The following PTPRQ variants were observed in gnomAD, a reference collection of about 807,000 sequenced individuals.
PTPRQ encodes protein tyrosine phosphatase receptor type Q.
Under a neutral mutation model 246.0 loss-of-function variants are expected in PTPRQ, and 199 were observed. The observed-to-expected ratio is 0.81, with a 90% confidence interval of 0.72 to 0.91. PTPRQ has a LOEUF of 0.91. Ranked by LOEUF, PTPRQ falls within the 40% of genes least tolerant of loss-of-function variation. The pLI, the probability that PTPRQ is intolerant of heterozygous loss-of-function variation, is 0.00. For synonymous variants in PTPRQ, 869 were observed against 853.2 expected (o/e 1.02, Z -0.32); for missense variants, 2,624 against 2,528.4 (o/e 1.04, Z -0.81).
At chr12:80,620,091 AT>A in intron 31 of PTPRQ, 62 bp from the exon 32 acceptor site, 1 of 1,471,810 alleles carries the variant, frequency 6.8e-7, no homozygotes, top group South Asian at 1.4e-5. Context: ...AACACTATTT[AT>A]AATTGTAAAA....
intron 8 of PTPRQ, among the ~76,000 whole-genome samples, chr12:80,480,134 C>T (rs2120584874): frequency 6.6e-6 from 1 of 152,264 alleles, no homozygotes; most frequent in Non-Finnish European, 1.5e-5. Flanking sequence ...TAAAGCTCTC[C>T]TCAGCAAATG....
Position 80,635,032 on chromosome 12 carries a change from C to T in PTPRQ, c.5874C>T (p.Ile1958=). Residue 1958 remains isoleucine, a synonymous_variant, in exon 35 of 45, where the codon ATC becomes ATT. Coordinates refer to ENST00000644991, the MANE Select transcript of PTPRQ (RefSeq NM_001145026.2). ...IDTKLKLDQL[I]TVADLELKDE... Reference sequence around the variant, plus strand: ...CTAAATTGAAGCTGGATCAGCTCATCACAGTGGCAGACCTGGAACTGAAGG... The same window carrying T: ...CTAAATTGAAGCTGGATCAGCTCATTACAGTGGCAGACCTGGAACTGAAGG... 6.4e-7 allele frequency: 1 copy of T among 1,551,372 alleles called. No homozygotes were observed. The highest frequency in any genetic ancestry group is 8.7e-7 in the Non-Finnish European group (1 of 1,146,802).
intron 26 of PTPRQ, among the ~76,000 whole-genome samples, chr12:80,599,627 A>G (rs1000436258): frequency 2.7e-5 from 4 of 150,822 alleles, no homozygotes; most frequent in African/African-American, 9.9e-5. Context: ...TGCTGGATAT[A>G]TTTTATTATA....
intron 25 of PTPRQ, among the ~76,000 whole-genome samples, chr12:80,582,936 A>G (rs998884768): frequency 7.9e-5 from 12 of 152,212 alleles, no homozygotes; most frequent in Non-Finnish European, 7.3e-5. Context: ...GCTAAAAGTC[A>G]TATATTTGGT....
chr12:80,663,120 A>G (rs1464872285), intron 39 of PTPRQ, among the ~76,000 whole-genome samples: 1 of 151,902 alleles, frequency 6.6e-6, no homozygotes, highest in Non-Finnish European at 1.5e-5. Context: ...ATAAAGATAT[A>G]TTTAAATAAC....
intron 3 of PTPRQ, among the ~76,000 whole-genome samples, chr12:80,450,036 C>A (rs1008425074): frequency 6.6e-6 from 1 of 152,116 alleles, no homozygotes; most frequent in African/African-American, 2.4e-5. Flanking sequence ...TTGTTTGTAT[C>A]CTCTTTTATA....
chr12:80,595,873 T>C (rs1380990398), intron 26 of PTPRQ, among the ~76,000 whole-genome samples: 1 of 152,034 alleles, frequency 6.6e-6, no homozygotes, highest in African/African-American at 2.4e-5. Context: ...TTTTCATTAA[T>C]TAACATAAGA....
intron 14 of PTPRQ, among the ~76,000 whole-genome samples, chr12:80,504,084 AT>A (rs1195081560): frequency 1.3e-5 from 2 of 151,596 alleles, no homozygotes; most frequent in African/African-American, 2.4e-5. Context: ...TCGTTGAATA[AT>A]TTTGATGAGC....
At chr12:80,467,946 A>G (rs1893492176) in intron 6 of PTPRQ, among the ~76,000 whole-genome samples, 1 of 152,246 alleles carries the variant, frequency 6.6e-6, no homozygotes, top group African/African-American at 2.4e-5. Flanking sequence ...AACATGGCAC[A>G]TGTATACATA....
intron 33 of PTPRQ, among the ~76,000 whole-genome samples, chr12:80,626,953 C>A (rs1899224816): frequency 6.6e-6 from 1 of 152,024 alleles, no homozygotes; most frequent in African/African-American, 2.4e-5. Context: ...TGACTTTTCT[C>A]ACACCCTAGC....
chr12:80,446,056 C>T (rs951867477), intron 3 of PTPRQ, among the ~76,000 whole-genome samples: 3 of 151,542 alleles, frequency 2.0e-5, no homozygotes, highest in African/African-American at 7.3e-5. Context: ...AAACAAGAGG[C>T]CAGGGTAGTT....
chr12:80,448,518 T>TC (rs1892628341), intron 3 of PTPRQ, among the ~76,000 whole-genome samples: 1 of 151,498 alleles, frequency 6.6e-6, no homozygotes, highest in Non-Finnish European at 1.5e-5. Flanking sequence ...ATGCTATCCC[T>TC]CCCCACTCCC....
chr12:80,605,021 T>G (rs1462255165), intron 26 of PTPRQ, 38 bp from the exon 27 acceptor site: 3 of 1,513,756 alleles, frequency 2.0e-6, no homozygotes, highest in South Asian at 1.3e-5. Flanking sequence ...AAGTACTAAT[T>G]CTAATGTAGC....
At chr12:80,595,633 T>C (rs958528762) in intron 26 of PTPRQ, among the ~76,000 whole-genome samples, 2 of 151,918 alleles carry the variant, frequency 1.3e-5, no homozygotes, top group Non-Finnish European at 2.9e-5. Flanking sequence ...GTTACATATG[T>C]ATACATGTGC....
chr12:80,579,687 T>C (rs1264427483), intron 25 of PTPRQ, among the ~76,000 whole-genome samples: 1 of 152,212 alleles, frequency 6.6e-6, no homozygotes, highest in Non-Finnish European at 1.5e-5. Flanking sequence ...TGCTGAAATA[T>C]GCTTTGAACT....
intron 29 of PTPRQ, among the ~76,000 whole-genome samples, chr12:80,615,714 TAGAG>T (rs58003469): frequency 2.0e-5 from 3 of 150,996 alleles, no homozygotes; most frequent in East Asian, 1.9e-4. Context: ...GATTTCATCT[TAGAG>T]AGGGAAAAAA....
intron 25 of PTPRQ, among the ~76,000 whole-genome samples, chr12:80,577,711 C>T (rs1897312874): frequency 6.6e-6 from 1 of 152,008 alleles, no homozygotes; most frequent in African/African-American, 2.4e-5. Context: ...ATATTTGGGG[C>T]CCCAATTGTC....
chr12:80,601,476 A>G (rs1403755240), intron 26 of PTPRQ, among the ~76,000 whole-genome samples: 1 of 151,856 alleles, frequency 6.6e-6, no homozygotes, highest in Non-Finnish European at 1.5e-5. Flanking sequence ...CTTAATAAAT[A>G]TTTATTCATT....
chr12:80,485,095 C>T (rs1592569308), intron 9 of PTPRQ, among the ~76,000 whole-genome samples: 1 of 151,856 alleles, frequency 6.6e-6, no homozygotes, highest in East Asian at 1.9e-4. Context: ...TTAAGAGTCA[C>T]ATTACTAAAT....
Sources: gnomAD v4.1 joint callset for allele counts (sites outside exome capture counted in the v4.1 genomes callset) on GRCh38, gnomAD v4.1.1 for gene constraint, MANE v1.5 for transcripts, NCBI Gene and HGNC (gene_info 2026-07-23, HGNC 2026-07-21) for gene names.